LRP1: variants seen among roughly 807,000 people sequenced by gnomAD.
LRP1 encodes the protein LDL receptor related protein 1.
LRP1 carries 51 observed loss-of-function variants against 541.5 expected under a neutral mutation model. That is an observed-to-expected ratio of 0.09 (90% CI 0.08 to 0.12). The LOEUF (loss-of-function observed/expected upper bound fraction) is 0.12. Among genes scored for constraint, LRP1 ranks in the 10% least tolerant of loss-of-function variants. LRP1 has a pLI of 1.00. For missense variants in LRP1, 3,878 were observed against 6,376.2 expected (o/e 0.61, Z 13.34); for synonymous variants, 2,219 against 2,470.8 (o/e 0.90, Z 3.02).
intron 41 of LRP1, 149 bp from the exon 42 acceptor site, chr12:57,187,118 G>A (rs974671789): frequency 3.1e-5 from 22 of 720,586 alleles, no homozygotes; most frequent in East Asian, 1.1e-4. Flanking sequence ...TGGTGCCCCC[G>A]AGCCCTCTCT....
At chr12:57,198,072 A>G in intron 58 of LRP1, 84 bp from the exon 59 acceptor site, 1 of 1,215,694 alleles carries the variant, frequency 8.2e-7, no homozygotes, top group Non-Finnish European at 1.2e-6. Flanking sequence ...CCCATTTTAC[A>G]CGAGGGGAGG....
chr12:57,208,409 C>G (rs2036833558), intron 77 of LRP1, 193 bp downstream of exon 77: 1 of 650,242 alleles, frequency 1.5e-6, no homozygotes, highest in African/African-American at 1.8e-5. Flanking sequence ...GGGCCCCCAG[C>G]TGGGCCTGCT....
chr12:57,206,370 G>T lies in LRP1; in HGVS notation c.11591-103G>T, dbSNP rs556955456. ...GCAGCAGCTTCTGGCCGGAGCAGAT[G>T]GTCCTACCAGGAGATGGGACAGTGT... On this transcript the variant is annotated intron_variant, in intron 75 of 88. Coordinates refer to ENST00000243077, the MANE Select transcript of LRP1 (RefSeq NM_002332.3). This position sits in a 1 kb window ranked among gnomAD's most constrained non-coding sequence, Gnocchi z 4.7. The T allele has an allele frequency of 8.2e-7, 1 of 1,221,628 alleles. No homozygotes were observed. The highest frequency in any genetic ancestry group is 1.4e-5 in the South Asian group (1 of 73,664). 75.7% of individuals were successfully genotyped at this position (1,221,628 alleles called of 1,614,324 possible).
In LRP1 at chr12:57,201,976, G is replaced by A; in HGVS notation, c.10594+71G>A. The A allele has an allele frequency of 6.3e-7, 1 of 1,592,382 alleles. No individual in the cohort carries two copies. The highest frequency in any genetic ancestry group is 8.6e-7 in the Non-Finnish European group (1 of 1,164,222). On this transcript the variant is annotated intron_variant, in intron 67 of 88. Transcript: ENST00000243077. The surrounding 1 kb of genome is among the most constrained non-coding windows in gnomAD (Gnocchi z 6.4). Reference sequence around the variant, plus strand: ...GGAGGCATGGCACCCCTGGCAGGTGGAGGGCTGGGGGCCGCCTGCTTACCG... The same window carrying A: ...GGAGGCATGGCACCCCTGGCAGGTGAAGGGCTGGGGGCCGCCTGCTTACCG...
chr12:57,153,234 C>T (rs1230863237), intron 6 of LRP1, among the ~76,000 whole-genome samples: 1 of 151,958 alleles, frequency 6.6e-6, no homozygotes, highest in African/African-American at 2.4e-5. Context: ...GGAAGGAAGC[C>T]AGTGGTCCTG....
intron 24 of LRP1, 52 bp downstream of exon 24, chr12:57,176,158 G>A (rs1565734228): frequency 8.2e-6 from 13 of 1,586,378 alleles, no homozygotes; most frequent in Middle Eastern, 1.7e-4. Flanking sequence ...GCGCTCAGGC[G>A]CTAGGGGCCA....
chr12:57,134,908 C>A (rs1403473544), intron 1 of LRP1, among the ~76,000 whole-genome samples: 1 of 152,114 alleles, frequency 6.6e-6, no homozygotes, highest in African/African-American at 2.4e-5. Context: ...GGTTTCACCG[C>A]GTTAGCCAGG....
chr12:57,183,261 G>T lies in LRP1; in HGVS notation c.5663-118G>T. 2.6e-6 allele frequency: 3 copies of T among 1,153,654 alleles called. No homozygotes were observed. The highest frequency in any genetic ancestry group is 3.7e-6 in the Non-Finnish European group (3 of 800,970). 71.5% of individuals were successfully genotyped at this position (1,153,654 alleles called of 1,614,324 possible). ...GGTGTGTGTGCTGGGTGGAGGATAG[G>T]GATGATGGTGGGGGGGGATGATATC... On this transcript the variant is annotated intron_variant, in intron 34 of 88. Transcript: ENST00000243077. This position sits in a 1 kb window ranked among gnomAD's most constrained non-coding sequence, Gnocchi z 6.1.
At position 57,156,301 on chromosome 12, in the gene LRP1, G is replaced by T. The variant is rs1422283605; in HGVS notation, c.1417+18G>T. The T allele has an allele frequency of 6.2e-7, 1 of 1,612,484 alleles. No individual in the cohort carries two copies. The highest frequency in any genetic ancestry group is 1.3e-5 in the African/African-American group (1 of 75,012). On this transcript the variant is annotated intron_variant, in intron 9 of 88. Coordinates refer to ENST00000243077, the MANE Select transcript of LRP1 (RefSeq NM_002332.3). The surrounding 1 kb of genome is among the most constrained non-coding windows in gnomAD (Gnocchi z 5.2). ...GCCCCGAGGTGAGCAGGGCTCCATG[G>T]CCCCTCCAAAGCTGGCTTTACCCCA...
In LRP1 at chr12:57,173,075, AG is replaced by A. The variant is rs2035976513; in HGVS notation, c.3164-91del. ...CAGGCCTGCCTCTGCTCATATCCCCAGGCTGGGCTTACCGGGGTGGCAGGGC... is the reference window on the plus strand; with the variant it reads ...CAGGCCTGCCTCTGCTCATATCCCCAGCTGGGCTTACCGGGGTGGCAGGGC... On this transcript the variant is annotated intron_variant, in intron 20 of 88. Transcript: ENST00000243077. The surrounding 1 kb of genome is among the most constrained non-coding windows in gnomAD (Gnocchi z 4.7). 4.7e-6 allele frequency: 5 copies of A among 1,065,630 alleles called. No individual in the cohort carries two copies. In the South Asian group the frequency reaches 7.7e-5, roughly 16 times the overall value. 66.0% of individuals were successfully genotyped at this position (1,065,630 alleles called of 1,614,324 possible).
chr12:57,199,527 G>T, intron 61 of LRP1, 127 bp downstream of exon 61: 1 of 1,026,916 alleles, frequency 9.7e-7, no homozygotes, highest in South Asian at 1.7e-5. Flanking sequence ...ACTCCAGGAG[G>T]GTCTAGACAG....
At chr12:57,186,634 G>A (rs554043705) in intron 41 of LRP1, among the ~76,000 whole-genome samples, 11 of 152,138 alleles carry the variant, frequency 7.2e-5, no homozygotes, top group Admixed American at 2.0e-4. Flanking sequence ...TGTAGCATCC[G>A]AAGCTAAACT....
chr12:57,153,449 C>T (rs574950502), intron 6 of LRP1, among the ~76,000 whole-genome samples: 1 of 152,336 alleles, frequency 6.6e-6, no homozygotes, highest in South Asian at 2.1e-4. Flanking sequence ...AGCCCCATCT[C>T]TTTCTGAGCC....
chr12:57,184,266 T>G lies in LRP1; in HGVS notation c.6059+52T>G. 1.2e-6 allele frequency: 2 copies of G among 1,613,798 alleles called. No homozygotes were observed. The highest frequency in any genetic ancestry group is 1.7e-6 in the Non-Finnish European group (2 of 1,179,686). Reference sequence around the variant, plus strand: ...TCATTCTGCCCATGGCCCATGCTGATGAGGCCCTGTCTCCTCCAGGGTCTG... The same window carrying G: ...TCATTCTGCCCATGGCCCATGCTGAGGAGGCCCTGTCTCCTCCAGGGTCTG... On this transcript the variant is annotated intron_variant, in intron 37 of 88. Coordinates refer to ENST00000243077, the MANE Select transcript of LRP1 (RefSeq NM_002332.3). This position sits in a 1 kb window ranked among gnomAD's most constrained non-coding sequence, Gnocchi z 7.8.
rs948487866 is a variant in LRP1, at chr12:57,158,385, G to T, written c.1562-17G>T. On this transcript the variant is annotated splice_polypyrimidine_tract_variant and intron_variant, in intron 10 of 88. Transcript: ENST00000243077. The surrounding 1 kb of genome is among the most constrained non-coding windows in gnomAD (Gnocchi z 5.3). ...CATGTGTGTGTCTGACTGTACCCTG[G>T]CTTGTGCCTGCTCTAGAGCCGGAGC... The T allele has an allele frequency of 6.3e-7, 1 of 1,587,166 alleles. No individual in the cohort carries two copies. Among genetic ancestry groups the T allele is most frequent in the Non-Finnish European group, 8.6e-7 (1 of 1,162,004 alleles).
intron 46 of LRP1, 78 bp from the exon 47 acceptor site, chr12:57,193,488 A>G: frequency 6.4e-7 from 1 of 1,564,170 alleles, no homozygotes; most frequent in Non-Finnish European, 8.7e-7. Context: ...GGCCAGCTGG[A>G]CACGTGCATG....
Position 57,195,743 on chromosome 12 carries a change from T to A in LRP1, c.8523T>A (p.Arg2841=). ...IPKHFVCDHD[R]DCADGSDESP... is the part of the protein sequence containing the mutation. ...AGCACTTCGTGTGTGACCACGACCG[T>A]GACTGTGCAGATGGCTCTGATGAGT... Residue 2841 remains arginine, a synonymous_variant, in exon 53 of 89, where the codon CGT becomes CGA. Coordinates refer to ENST00000243077, the MANE Select transcript of LRP1 (RefSeq NM_002332.3). 1 of 1,614,196 alleles carries A rather than the reference T, an allele frequency of 6.2e-7. No homozygotes were observed. The highest frequency in any genetic ancestry group is 8.5e-7 in the Non-Finnish European group (1 of 1,180,028).
rs746922842 is a variant in LRP1 at position 57,191,554 on chromosome 12, C to T, written c.7429+42C>T. The T allele has an allele frequency of 1.1e-5, 17 of 1,534,330 alleles. No homozygotes were observed. The East Asian group carries it at 2.0e-4, about 18-fold the overall frequency. ...CCAGCTGCCTCACCCTCCTGCCTGT[C>T]GTGCATGGACATACAAACACACACC... On this transcript the variant is annotated intron_variant, in intron 44 of 88. Coordinates refer to ENST00000243077, the MANE Select transcript of LRP1 (RefSeq NM_002332.3).
chr12:57,129,429 G>T (rs1203552160), intron 1 of LRP1, among the ~76,000 whole-genome samples: 1 of 147,008 alleles, frequency 6.8e-6, no homozygotes, highest in African/African-American at 2.7e-5. Context: ...GGCTGCAAAA[G>T]GGGGTGGGGG....
Sources: allele counts gnomAD v4.1 joint callset (sites outside exome capture counted in the v4.1 genomes callset), GRCh38; gene constraint gnomAD v4.1.1; non-coding constraint Gnocchi (gnomAD v3.1); transcripts MANE v1.5; gene names NCBI Gene and HGNC (gene_info 2026-07-23, HGNC 2026-07-21).